GLI3: variants seen among roughly 807,000 people sequenced by gnomAD.
GLI3 encodes the protein transcription activator GLI3.
Under a neutral mutation model 100.8 loss-of-function variants are expected in GLI3, and 20 were observed. The observed-to-expected ratio is 0.20, with a 90% CI of 0.14 to 0.29. GLI3 has a LOEUF of 0.29. Among genes scored for constraint, GLI3 ranks in the 10% least tolerant of loss-of-function variants. The probability of loss-of-function intolerance (pLI) is 1.00; values close to 1 mark genes in which losing one functional copy is unlikely to be tolerated. For missense variants in GLI3, 2,040 were observed against 2,128.5 expected, an observed-to-expected ratio of 0.96 and a Z score of 0.82; for synonymous variants, 938 against 860.5, an observed-to-expected ratio of 1.09 and a Z score of -1.58.
In GLI3 at chr7:42,087,000, C is replaced by T. The variant is rs531062110; in HGVS notation, c.368-10143G>A. On this transcript the variant is annotated intron_variant, in intron 3 of 14. Transcript: ENST00000395925. ...TGCCAGGGTGCACACACCCACAGGTCAGAACTGTCTTCTTTCCCTCCCAGG... is the reference window on the plus strand; with the variant it reads ...TGCCAGGGTGCACACACCCACAGGTTAGAACTGTCTTCTTTCCCTCCCAGG... Among the ~76,000 whole-genome samples, 4 of 152,284 alleles carry T rather than the reference C, an allele frequency of 2.6e-5. No homozygotes were observed. In the East Asian group the frequency reaches 7.8e-4, roughly 30 times the overall value.
chr7:42,010,641 G>A (rs1165640192), intron 10 of GLI3, among the ~76,000 whole-genome samples: 1 of 152,206 alleles, frequency 6.6e-6, no homozygotes, highest in African/African-American at 2.4e-5. Context: ...TGACTGAAGT[G>A]GACAGGGGAA....
chr7:42,077,806 T>C (rs1474444622), intron 3 of GLI3, among the ~76,000 whole-genome samples: 1 of 152,156 alleles, frequency 6.6e-6, no homozygotes, highest in Admixed American at 6.5e-5. Context: ...GCATGACTGA[T>C]GAGTCAAGGT....
intron 2 of GLI3, among the ~76,000 whole-genome samples, chr7:42,155,015 AGGGCT>A (rs1786966910): frequency 6.6e-6 from 1 of 152,192 alleles, no homozygotes; most frequent in African/African-American, 2.4e-5. Flanking sequence ...GCAACATGAG[AGGGCT>A]GCAGCAGAAT....
intron 7 of GLI3, among the ~76,000 whole-genome samples, chr7:42,028,086 C>T (rs540133907): frequency 1.3e-5 from 2 of 152,172 alleles, no homozygotes; most frequent in African/African-American, 4.8e-5. Context: ...TTTCAGTGTA[C>T]AAGCCATTCA....
chr7:42,122,277 G>A (rs887346141), intron 3 of GLI3, among the ~76,000 whole-genome samples: 2 of 136,420 alleles, frequency 1.5e-5, no homozygotes, highest in Admixed American at 8.3e-5. Flanking sequence ...AGTCTTTCCA[G>A]TTATAAAACC....
intron 7 of GLI3, among the ~76,000 whole-genome samples, chr7:42,030,704 T>TG (rs908548085): frequency 4.5e-4 from 69 of 151,974 alleles, no homozygotes; most frequent in African/African-American, 1.7e-3. Flanking sequence ...TTGTTTTTTT[T>TG]TTTTTTGTTT....
chr7:42,083,374 C>A (rs1785036279), intron 3 of GLI3, among the ~76,000 whole-genome samples: 2 of 152,220 alleles, frequency 1.3e-5, no homozygotes, highest in South Asian at 4.1e-4. Flanking sequence ...GGATTTCATT[C>A]TTCTTTACAT....
At chr7:42,159,550 C>A (rs768878466) in intron 2 of GLI3, among the ~76,000 whole-genome samples, 16 of 152,024 alleles carry the variant, frequency 1.1e-4, no homozygotes, top group Admixed American at 7.2e-4. Flanking sequence ...AGAACAAAAC[C>A]AGACTACTTC....
chr7:42,023,079 T>A (rs1788988282), intron 10 of GLI3, among the ~76,000 whole-genome samples: 1 of 152,052 alleles, frequency 6.6e-6, no homozygotes, highest in Non-Finnish European at 1.5e-5. Flanking sequence ...AAAAAAGAAA[T>A]CCCTCATCTC....
intron 2 of GLI3, among the ~76,000 whole-genome samples, chr7:42,148,854 C>T (rs1373438528): frequency 1.3e-5 from 2 of 152,322 alleles, no homozygotes; most frequent in East Asian, 3.9e-4. Flanking sequence ...CTGTGCATGT[C>T]CAGCTTCCCT....
chr7:42,006,739 A>G (rs552390193), intron 10 of GLI3, among the ~76,000 whole-genome samples: 2 of 152,296 alleles, frequency 1.3e-5, no homozygotes, highest in African/African-American at 4.8e-5. Context: ...GTAGAGCCCA[A>G]GTTTCTCAGG....
rs373003816 is a variant in GLI3, at chr7:41,964,886, G to T, written c.4187C>A (p.Ala1396Asp). ...CAGAGCAAGGCTGTCCCTCGGCATA[G>T]CCTGGCGCCTGCTGCCCCCAAAGCT... ...CASFGGSRRQ[A>D]MPRDSLALQS... Residue 1396 changes from alanine (A) to aspartate (D), a missense_variant, in exon 15 of 15, where the codon GCT becomes GAT. Physicochemically the swap from Ala to Asp is moderately radical, Grantham distance 126. This residue lies in a region of GLI3 where 1,041 missense variants were observed against 924.0 expected (regional missense o/e 1.13). Coordinates refer to ENST00000395925, the MANE Select transcript of GLI3 (RefSeq NM_000168.6). 3.5e-5 allele frequency: 56 copies of T among 1,613,712 alleles called. No homozygotes were observed. Among genetic ancestry groups the T allele is most frequent in the Non-Finnish European group, 4.7e-5 (55 of 1,180,034 alleles).
intron 2 of GLI3, among the ~76,000 whole-genome samples, chr7:42,176,803 G>A (rs1024942570): frequency 6.6e-6 from 1 of 152,182 alleles, no homozygotes; most frequent in Non-Finnish European, 1.5e-5. Flanking sequence ...GTGCAGCCCT[G>A]CCTGAGGGTC....
intron 1 of GLI3, among the ~76,000 whole-genome samples, chr7:42,262,197 T>TTCC (rs1761173028): frequency 0.017 from 576 of 33,594 alleles, 6 homozygotes; most frequent in Middle Eastern, 0.048. Context: ...TTTTATTTTT[T>TTCC]TTCCTTCCTT....
intron 10 of GLI3, among the ~76,000 whole-genome samples, chr7:41,982,537 C>T (rs886326140): frequency 1.3e-5 from 2 of 151,604 alleles, no homozygotes; most frequent in Admixed American, 1.3e-4. Context: ...ACAGCGAGAC[C>T]CCATGTCTAA....
chr7:42,143,599 G>C (rs949302506), intron 3 of GLI3, among the ~76,000 whole-genome samples: 1 of 152,154 alleles, frequency 6.6e-6, no homozygotes, highest in Non-Finnish European at 1.5e-5. Context: ...TAGCACACAA[G>C]AATGCAAGTG....
At chr7:41,993,539 A>G (rs763423256) in intron 10 of GLI3, among the ~76,000 whole-genome samples, 1 of 152,150 alleles carries the variant, frequency 6.6e-6, no homozygotes, top group Non-Finnish European at 1.5e-5. Flanking sequence ...GACATTGTTT[A>G]ATATTTATTG....
At chr7:42,096,291 G>A (rs1785336684) in intron 3 of GLI3, among the ~76,000 whole-genome samples, 1 of 152,180 alleles carries the variant, frequency 6.6e-6, no homozygotes, top group Non-Finnish European at 1.5e-5. Flanking sequence ...ATGGAGTCAG[G>A]GTCCCTAGAA....
intron 4 of GLI3, among the ~76,000 whole-genome samples, chr7:42,066,333 T>C (rs1347151110): frequency 6.6e-6 from 1 of 152,022 alleles, no homozygotes; most frequent in African/African-American, 2.4e-5. Flanking sequence ...TACTTTTCAC[T>C]CCTTCCAATT....
Sources: gnomAD v4.1 joint callset for allele counts (sites outside exome capture counted in the v4.1 genomes callset) on GRCh38, gnomAD v4.1.1 for gene constraint, gnomAD v4.1.1 regional missense constraint, MANE v1.5 for transcripts, NCBI Gene and HGNC (gene_info 2026-07-23, HGNC 2026-07-21) for gene names.